Variants in NT5C3A observed in about 807,000 individuals in gnomAD.
The protein encoded by NT5C3A is 5'-nucleotidase, cytosolic IIIA.
Under a neutral mutation model 40.0 loss-of-function variants are expected in NT5C3A, and 23 were observed. The observed-to-expected ratio is 0.58, with a 90% confidence interval of 0.41 to 0.81. The LOEUF (loss-of-function observed/expected upper bound fraction) is 0.81, where lower values mean the gene tolerates loss of function less well. Ranked by LOEUF, NT5C3A falls within the 40% of genes least tolerant of loss-of-function variation. NT5C3A has a pLI of 0.00. For synonymous variants in NT5C3A, 130 were observed against 141.4 expected, an observed-to-expected ratio of 0.92 and a Z score of 0.57; for missense variants, 328 against 403.0, an observed-to-expected ratio of 0.81 and a Z score of 1.59.
At chr7:33,031,235 C>A (rs181170442) in intron 1 of NT5C3A, among the ~76,000 whole-genome samples, 1 of 151,774 alleles carries the variant, frequency 6.6e-6, no homozygotes, top group Non-Finnish European at 1.5e-5. Context: ...GAGATTATGA[C>A]AACTTCAAAG....
At chr7:33,016,204 C>T (rs1220531467) in intron 7 of NT5C3A, among the ~76,000 whole-genome samples, 9 of 151,542 alleles carry the variant, frequency 5.9e-5, no homozygotes, top group Non-Finnish European at 1.2e-4. Flanking sequence ...GGTGCAACCC[C>T]GCCTCACTAA....
At chr7:33,029,232 G>A in intron 1 of NT5C3A, 1 of 133,852 alleles carries the variant, frequency 7.5e-6, no homozygotes, top group Non-Finnish European at 1.5e-5. Flanking sequence ...AGGCAGATAG[G>A]CACTGGTTCC....
Position 33,062,741 on chromosome 7 carries a change from A to C in NT5C3A, c.-36T>G, listed in dbSNP as rs1004297924. On this transcript the variant is annotated 5_prime_UTR_variant, in exon 1 of 9. Transcript: ENST00000610140. ...CTCATGCGCGTCCAAGCAGGAAAAA[A>C]ACAGGCAGCTCGCGTAGACTGCGAG... 4 of 1,550,306 alleles carry C rather than the reference A, an allele frequency of 2.6e-6. No individual in the cohort carries two copies. Among genetic ancestry groups the C allele is most frequent in the Non-Finnish European group, 2.6e-6 (3 of 1,147,148 alleles).
intron 1 of NT5C3A, among the ~76,000 whole-genome samples, chr7:33,041,894 T>C (rs1209224621): frequency 2.6e-5 from 4 of 152,182 alleles, no homozygotes; most frequent in Non-Finnish European, 4.4e-5. Context: ...ACTACACTTA[T>C]GTAAATAAAT....
At chr7:33,044,481 A>G (rs149677702) in intron 1 of NT5C3A, among the ~76,000 whole-genome samples, 44 of 152,326 alleles carry the variant, frequency 2.9e-4, no homozygotes, top group African/African-American at 1.0e-3. Context: ...TCACCTCTGT[A>G]CACAATAAAT....
intron 1 of NT5C3A, among the ~76,000 whole-genome samples, chr7:33,048,176 TTG>T (rs10582278): frequency 0.72 from 106,345 of 148,500 alleles, 38,358 homozygotes; most frequent in African/African-American, 0.8. Context: ...TACATTTGAT[TTG>T]TGTGTGTGTG....
intron 1 of NT5C3A, chr7:33,039,018 T>C: frequency 2.4e-6 from 1 of 410,112 alleles, no homozygotes. Context: ...AATTACTTTG[T>C]GTGCTTTTTG....
At chr7:33,041,258 A>G (rs1156834334) in intron 1 of NT5C3A, 21 of 397,248 alleles carry the variant, frequency 5.3e-5, no homozygotes, top group Non-Finnish European at 7.2e-5. Context: ...ACTTTTCTGT[A>G]TATTCTATTT....
rs1189544577 is a variant in NT5C3A at position 33,014,851 on chromosome 7, A to C, written c.895-20T>G. The C allele has an allele frequency of 6.3e-7, 1 of 1,597,472 alleles. No homozygotes were observed. The highest frequency in any genetic ancestry group is 8.6e-7 in the Non-Finnish European group (1 of 1,168,170). On this transcript the variant is annotated intron_variant, in intron 8 of 8. Coordinates refer to ENST00000610140, the MANE Select transcript of NT5C3A (RefSeq NM_001002010.5). Reference sequence around the variant, plus strand: ...ATCCACCTAATCAAGAGATGAACAAAAGAAAATTAACATGCAGGGCAAAGA... The same window carrying C: ...ATCCACCTAATCAAGAGATGAACAACAGAAAATTAACATGCAGGGCAAAGA...
intron 1 of NT5C3A, among the ~76,000 whole-genome samples, chr7:33,059,652 A>T (rs1046698565): frequency 6.6e-6 from 1 of 152,224 alleles, no homozygotes; most frequent in Non-Finnish European, 1.5e-5. Flanking sequence ...AATAGATGAA[A>T]AATGGGAGAT....
intron 1 of NT5C3A, chr7:33,040,971 C>G: frequency 1.0e-6 from 1 of 985,446 alleles, no homozygotes; most frequent in Non-Finnish European, 1.2e-6. Context: ...GTTCCAAAAG[C>G]CTTGACTAAG....
intron 1 of NT5C3A, among the ~76,000 whole-genome samples, chr7:33,049,447 T>G (rs1787276185): frequency 6.6e-6 from 1 of 152,152 alleles, no homozygotes; most frequent in African/African-American, 2.4e-5. Flanking sequence ...TACAAGATTG[T>G]CTTCTGTTCA....
chr7:33,039,843 G>C (rs1786830000), intron 1 of NT5C3A, among the ~76,000 whole-genome samples: 1 of 152,104 alleles, frequency 6.6e-6, no homozygotes, highest in African/African-American at 2.4e-5. Context: ...TCAAAAGCTA[G>C]TTATTTAAAA....
chr7:33,055,820 T>C (rs1562605567), intron 1 of NT5C3A, among the ~76,000 whole-genome samples: 1 of 152,190 alleles, frequency 6.6e-6, no homozygotes, highest in African/African-American at 2.4e-5. Flanking sequence ...AACTAATTTT[T>C]AAAGAGACCA....
intron 1 of NT5C3A, among the ~76,000 whole-genome samples, chr7:33,052,657 T>C (rs1408339864): frequency 6.6e-6 from 1 of 152,136 alleles, no homozygotes; most frequent in African/African-American, 2.4e-5. Flanking sequence ...TATACAGTAA[T>C]TGTCTGGCAG....
rs1327524218 is a variant in NT5C3A, at chr7:33,058,545, T to C, written c.138+4023A>G. Among the ~76,000 whole-genome samples the C allele has an allele frequency of 2.0e-5, 3 of 152,242 alleles. No homozygotes were observed. The East Asian group carries it at 5.8e-4, about 29-fold the overall frequency. On this transcript the variant is annotated intron_variant, in intron 1 of 8. Coordinates refer to ENST00000610140, the MANE Select transcript of NT5C3A (RefSeq NM_001002010.5). ...TTTTTATTTTTAGTAGGGACGGGGT[T>C]CCACCATGTTGGTCAGGCTGGTCTT... is the stretch of plus-strand genomic sequence containing the variant.
At chr7:33,056,355 G>A (rs1000249980) in intron 1 of NT5C3A, among the ~76,000 whole-genome samples, 3 of 151,308 alleles carry the variant, frequency 2.0e-5, no homozygotes, top group Middle Eastern at 3.4e-3. Context: ...TTAAAAGTCT[G>A]TCCAGGTATG....
intron 7 of NT5C3A, 45 bp from the exon 8 acceptor site, chr7:33,015,915 T>C: frequency 7.6e-7 from 1 of 1,313,768 alleles, no homozygotes; most frequent in South Asian, 1.2e-5. Context: ...AAAATTCTAT[T>C]TGTTGGATTT....
chr7:33,024,108 T>C lies in NT5C3A; in HGVS notation c.238A>G (p.Ile80Val), dbSNP rs1190791380. 5 of 1,558,984 alleles carry C rather than the reference T, an allele frequency of 3.2e-6. No homozygotes were observed. The highest frequency in any genetic ancestry group is 3.3e-5 in the Admixed American group (2 of 59,774). ...LIKGGAAKLQIITDFDMTLSR... is the reference protein window; with the variant it reads ...LIKGGAAKLQVITDFDMTLSR... ...AGTGTCATATCAAAGTCCGTTATTA[T>C]CTGTAAGAAAAGAGTGAAATGCATT... Residue 80 changes from isoleucine to valine, a missense_variant and splice_region_variant, in exon 3 of 9, where the codon ATA (isoleucine) becomes GTA (valine). Physicochemically the swap from Ile to Val is conservative, Grantham distance 29. This residue lies in a region of NT5C3A where 280 missense variants were observed against 317.2 expected (regional missense o/e 0.88). Coordinates refer to ENST00000610140, the MANE Select transcript of NT5C3A (RefSeq NM_001002010.5).
Sources: gnomAD v4.1 joint callset for allele counts (sites outside exome capture counted in the v4.1 genomes callset) on GRCh38, gnomAD v4.1.1 for gene constraint, gnomAD v4.1.1 regional missense constraint, MANE v1.5 for transcripts, NCBI Gene and HGNC (gene_info 2026-07-23, HGNC 2026-07-21) for gene names.